The following NKD2 variants were observed in gnomAD, a reference collection of about 807,000 sequenced individuals.
NKD2 encodes the protein NKD inhibitor of Wnt signaling pathway 2.
In NKD2, 43 loss-of-function variants were observed where a neutral mutation model predicts 34.8. The observed-to-expected ratio is 1.24, with a 90% confidence interval of 0.97 to 1.60. NKD2 has a LOEUF of 1.60. Among genes scored for constraint, NKD2 ranks in the 40% most tolerant of loss-of-function variants. The probability of loss-of-function intolerance (pLI) is 0.00; values close to 1 mark genes in which losing one functional copy is unlikely to be tolerated. For missense variants in NKD2, 675 were observed against 627.1 expected, an observed-to-expected ratio of 1.08 and a Z score of -0.82; for synonymous variants, 278 against 265.1, an observed-to-expected ratio of 1.05 and a Z score of -0.47.
chr5:1,019,331 C>CGCGT, intron 3 of NKD2, among the ~76,000 whole-genome samples: 1 of 152,174 alleles, frequency 6.6e-6, no homozygotes, highest in South Asian at 2.1e-4. Context: ...AACAAAGATG[C>CGCGT]GCGTGGTCTT....
chr5:1,022,344 T>C (rs1405539198), intron 3 of NKD2, among the ~76,000 whole-genome samples: 1 of 76,678 alleles, frequency 1.3e-5, no homozygotes, highest in Non-Finnish European at 2.8e-5. Context: ...GCTGTGGGTG[T>C]CTCAGCCCAT....
intron 8 of NKD2, 90 bp from the exon 9 acceptor site, chr5:1,036,167 G>GACCCC: frequency 6.3e-6 from 9 of 1,419,768 alleles, no homozygotes; most frequent in Non-Finnish European, 8.3e-6. Flanking sequence ...ATGCACCCCG[G>GACCCC]ACCCCTGCCG....
In NKD2 at chr5:1,032,038, C is replaced by T. The variant is rs181742959; in HGVS notation, c.142-114C>T. 3.3e-4 allele frequency: 261 copies of T among 789,092 alleles called. 1 individual carries two copies. In the African/African-American group the frequency reaches 3.9e-3, roughly 12 times the overall value. The allele number at this position is 789,092 out of a possible 1,614,324, so 48.9% of individuals were successfully genotyped here. Reference sequence around the variant, plus strand: ...TTCTGGACCCAGAGATTGAGACGCCCCAGGAGGCCTGAGGCGAGTGTCAGG... The same window carrying T: ...TTCTGGACCCAGAGATTGAGACGCCTCAGGAGGCCTGAGGCGAGTGTCAGG... On this transcript the variant is annotated intron_variant, in intron 3 of 9. Transcript: ENST00000296849.
intron 3 of NKD2, among the ~76,000 whole-genome samples, chr5:1,012,789 T>C (rs1434672194): frequency 6.6e-6 from 1 of 152,142 alleles, no homozygotes; most frequent in East Asian, 1.9e-4. Context: ...GCCCCTTCCC[T>C]GCCCCTCCTG....
intron 3 of NKD2, among the ~76,000 whole-genome samples, chr5:1,021,091 G>A (rs1756157819): frequency 6.6e-6 from 1 of 152,202 alleles, no homozygotes; most frequent in South Asian, 2.1e-4. Flanking sequence ...TTAAGTCGCA[G>A]CAGAACTCTG....
chr5:1,033,996 T>C, intron 5 of NKD2: 1 of 580,086 alleles, frequency 1.7e-6, no homozygotes, highest in Non-Finnish European at 3.1e-6. Flanking sequence ...TAGGTGTCAC[T>C]GTGGGGGAAC....
At position 1,038,768 on chromosome 5, in the gene NKD2, TC is replaced by T; in HGVS notation, c.*398del. Reference sequence around the variant, plus strand: ...TTCAAGGGGTGACTGCTGTAGGCTGTCCCAGTGCGAGGCCGGGAGCGAATGG... The same window carrying T: ...TTCAAGGGGTGACTGCTGTAGGCTGTCCAGTGCGAGGCCGGGAGCGAATGG... On this transcript the variant is annotated 3_prime_UTR_variant, in exon 10 of 10. Coordinates refer to ENST00000296849, the MANE Select transcript of NKD2 (RefSeq NM_033120.4). The surrounding 1 kb of genome is among the most constrained non-coding windows in gnomAD (Gnocchi z 4.5). 2 of 440,678 alleles carry T rather than the reference TC, an allele frequency of 4.5e-6. No homozygotes were observed. Among genetic ancestry groups the T allele is most frequent in the South Asian group, 2.5e-5 (1 of 40,130 alleles). The allele number at this position is 440,678 out of a possible 1,614,324, so 27.3% of individuals were successfully genotyped here. A position where few individuals can be genotyped will look rare whatever the true frequency, so the allele number is the denominator to read the frequency against.
At position 1,009,820 on chromosome 5, in the gene NKD2, G is replaced by C. The variant is rs1250788528; in HGVS notation, c.141+260G>C. Among the ~76,000 whole-genome samples the C allele has an allele frequency of 6.6e-6, 1 of 152,124 alleles. No homozygotes were observed. Among genetic ancestry groups the C allele is most frequent in the African/African-American group, 2.4e-5 (1 of 41,424 alleles). On this transcript the variant is annotated intron_variant, in intron 3 of 9. Coordinates refer to ENST00000296849, the MANE Select transcript of NKD2 (RefSeq NM_033120.4). The surrounding 1 kb of genome is among the most constrained non-coding windows in gnomAD (Gnocchi z 6.9). ...AATTCCTTGTCCTAGGCTGGGAGCC[G>C]TGTGGGGGCTCCATGTTTCGGGCTG...
At chr5:1,029,361 G>A (rs1406339941) in intron 3 of NKD2, among the ~76,000 whole-genome samples, 6 of 152,224 alleles carry the variant, frequency 3.9e-5, no homozygotes, top group East Asian at 1.9e-4. Flanking sequence ...TTGGTGCAGC[G>A]TTGGCTACAT....
In NKD2 at chr5:1,009,542, G is replaced by A. The variant is rs1157851628; in HGVS notation, c.123G>A (p.Arg41=). The A allele has an allele frequency of 2.0e-6, 3 of 1,491,890 alleles. No individual in the cohort carries two copies. Among genetic ancestry groups the A allele is most frequent in the Non-Finnish European group, 2.7e-6 (3 of 1,129,822 alleles). The allele number at this position is 1,491,890 out of a possible 1,614,324, so 92.4% of individuals were successfully genotyped here. Residue 41 remains arginine (R), a synonymous_variant, in exon 3 of 10, where the codon CGG becomes CGA. Transcript: ENST00000296849. This position sits in a 1 kb window ranked among gnomAD's most constrained non-coding sequence, Gnocchi z 6.9. ...GCAAAGGCGCGGAGGAAGCGGAGCGGCGCGCGCGGGACAAGCAGGTAGGCG... is the reference window on the plus strand; with the variant it reads ...GCAAAGGCGCGGAGGAAGCGGAGCGACGCGCGCGGGACAAGCAGGTAGGCG... The part of the protein sequence containing the change: ...SGRKGAEEAE[R]RARDKQELPN...
chr5:1,015,696 G>A (rs931296852), intron 3 of NKD2, among the ~76,000 whole-genome samples: 7 of 152,234 alleles, frequency 4.6e-5, no homozygotes, highest in African/African-American at 1.7e-4. Context: ...CGCACATGCT[G>A]CCGCCAGCAT....
intron 8 of NKD2, 23 bp from the exon 9 acceptor site, chr5:1,036,234 G>A (rs1733913894): frequency 1.3e-6 from 2 of 1,571,098 alleles, no homozygotes; most frequent in Non-Finnish European, 1.7e-6. Flanking sequence ...CGGGGGTCAG[G>A]CCCTTCTCTG....
At chr5:1,032,809 G>A (rs1018711138) in intron 4 of NKD2, among the ~76,000 whole-genome samples, 1 of 152,240 alleles carries the variant, frequency 6.6e-6, no homozygotes, top group African/African-American at 2.4e-5. Context: ...GTCTGCAGGT[G>A]CTGAGCCCGG....
At position 1,034,226 on chromosome 5, in the gene NKD2, C is replaced by A. The variant is rs1239027745; in HGVS notation, c.331-9C>A. The stretch of plus-strand genomic sequence containing the variant: ...GAGGCGAGGTCCCGGCCCCCACGTC[C>A]CCCCACAGGCACTCCAGTGCGATGT... On this transcript the variant is annotated splice_polypyrimidine_tract_variant and intron_variant, in intron 5 of 9. Coordinates refer to ENST00000296849, the MANE Select transcript of NKD2 (RefSeq NM_033120.4). 6.2e-7 allele frequency: 1 copy of A among 1,607,906 alleles called. No homozygotes were observed. The highest frequency in any genetic ancestry group is 1.7e-5 in the Admixed American group (1 of 59,744).
rs777479606 is a variant in NKD2, at chr5:1,032,149, C to G, written c.142-3C>G. On this transcript the variant is annotated splice_polypyrimidine_tract_variant and splice_region_variant and intron_variant, in intron 3 of 9. Transcript: ENST00000296849. Reference sequence around the variant, plus strand: ...GCCACTGACTGCCCCGTTCTTCCTGCAGGAGCTGCCCAATGGGGACCCCAA... The same window carrying G: ...GCCACTGACTGCCCCGTTCTTCCTGGAGGAGCTGCCCAATGGGGACCCCAA... The G allele has an allele frequency of 6.2e-7, 1 of 1,611,054 alleles. No homozygotes were observed. Among genetic ancestry groups the G allele is most frequent in the Non-Finnish European group, 8.5e-7 (1 of 1,178,934 alleles).
At chr5:1,029,497 G>A (rs1405229979) in intron 3 of NKD2, among the ~76,000 whole-genome samples, 1 of 152,104 alleles carries the variant, frequency 6.6e-6, no homozygotes, top group South Asian at 2.1e-4. Context: ...GAACAGCTGC[G>A]CCCCTCCTTC....
At chr5:1,033,340 G>A in intron 4 of NKD2, 32 bp from the exon 5 acceptor site, 1 of 1,571,576 alleles carries the variant, frequency 6.4e-7, no homozygotes, top group South Asian at 1.2e-5. Context: ...TGTGCCCTCT[G>A]CCAGCCCCTT....
rs1255499142 is a variant in NKD2 at position 1,038,340 on chromosome 5, C to CGAG, written c.1323_1324insGAG (p.His441_His442insGlu). The CGAG allele has an allele frequency of 3.3e-6, 5 of 1,528,868 alleles. No individual in the cohort carries two copies. Among genetic ancestry groups the CGAG allele is most frequent in the Non-Finnish European group, 3.5e-6 (4 of 1,145,450 alleles). The allele number at this position is 1,528,868 out of a possible 1,614,324, so 94.7% of individuals were successfully genotyped here. ...ACCACCACCACCACGAGCACCACCA[C>CGAG]CACCACCACCACCACCACTTCCACC... is the stretch of plus-strand genomic sequence containing the variant. On this transcript the variant is annotated inframe_insertion, in exon 10 of 10. Transcript: ENST00000296849. This position sits in a 1 kb window ranked among gnomAD's most constrained non-coding sequence, Gnocchi z 4.5.
rs963034549 is a variant in NKD2, at chr5:1,009,284, C to T, written c.61+70C>T. 26 of 485,686 alleles carry T rather than the reference C, an allele frequency of 5.4e-5. No homozygotes were observed. Among genetic ancestry groups the T allele is most frequent in the African/African-American group, 4.3e-4 (21 of 48,624 alleles). 30.1% of individuals were successfully genotyped at this position (485,686 alleles called of 1,614,324 possible). A position where few individuals can be genotyped will look rare whatever the true frequency, so the allele number is the denominator to read the frequency against. ...CCCGGGACCCTCAGAGCTAGGAGCCCGCGCGCGTCCTGCCCTGGAGCCAGC... is the reference window on the plus strand; with the variant it reads ...CCCGGGACCCTCAGAGCTAGGAGCCTGCGCGCGTCCTGCCCTGGAGCCAGC... On this transcript the variant is annotated intron_variant, in intron 2 of 9. Coordinates refer to ENST00000296849, the MANE Select transcript of NKD2 (RefSeq NM_033120.4). This position sits in a 1 kb window ranked among gnomAD's most constrained non-coding sequence, Gnocchi z 6.9.
Sources: gnomAD v4.1 joint callset for allele counts (sites outside exome capture counted in the v4.1 genomes callset) on GRCh38, gnomAD v4.1.1 for gene constraint, Gnocchi (gnomAD v3.1) non-coding constraint, MANE v1.5 for transcripts, NCBI Gene and HGNC (gene_info 2026-07-23, HGNC 2026-07-21) for gene names.